The following FGF12 variants were observed in gnomAD, a reference collection of about 807,000 sequenced individuals.
FGF12 encodes the protein fibroblast growth factor 12B.
FGF12 carries 14 observed loss-of-function variants against 23.6 expected under a neutral mutation model. That is an observed-to-expected ratio of 0.59 (90% CI 0.39 to 0.93). The LOEUF (loss-of-function observed/expected upper bound fraction) is 0.93, where lower values mean the gene tolerates loss of function less well. Ranked by LOEUF, FGF12 falls within the 40% of genes least tolerant of loss-of-function variation. The pLI is 0.00. For synonymous variants in FGF12, 62 were observed against 77.3 expected, an observed-to-expected ratio of 0.80 and a Z score of 1.04; for missense variants, 175 against 217.8, an observed-to-expected ratio of 0.80 and a Z score of 1.24.
intron 3 of FGF12, among the ~76,000 whole-genome samples, chr3:192,354,372 T>C (rs1577381783): frequency 6.6e-6 from 1 of 151,978 alleles, no homozygotes; most frequent in African/African-American, 2.4e-5. Context: ...TTAAATAATT[T>C]TGGATAAATA....
At chr3:192,395,754 A>T (rs1720488824) in intron 2 of FGF12, among the ~76,000 whole-genome samples, 2 of 152,204 alleles carry the variant, frequency 1.3e-5, no homozygotes, top group Admixed American at 6.5e-5. Flanking sequence ...ACCTGGAAGG[A>T]TCTGAGAAGA....
intron 2 of FGF12, among the ~76,000 whole-genome samples, chr3:192,617,626 T>C (rs997241884): frequency 2.6e-5 from 4 of 152,124 alleles, no homozygotes; most frequent in African/African-American, 4.8e-5. Flanking sequence ...ACAACCAACC[T>C]GAGGCTCTTA....
At chr3:192,291,557 A>G (rs1360070094) in intron 4 of FGF12, among the ~76,000 whole-genome samples, 4 of 152,056 alleles carry the variant, frequency 2.6e-5, no homozygotes, top group Non-Finnish European at 5.9e-5. Context: ...CATTCCTGCC[A>G]GGGCAAAAGA....
Position 192,281,238 on chromosome 3 carries a change from T to G in FGF12, c.228+54123A>C, listed in dbSNP as rs78541389. Among the ~76,000 whole-genome samples, 613 of 152,234 alleles carry G rather than the reference T, an allele frequency of 4.0e-3. 5 individuals carry two copies. The highest frequency in any genetic ancestry group is 0.024 in the South Asian group (116 of 4,822). ...TCTAGGGAAGAATCCTAGTTTGCCTTTTCCTAGCTTTGGGGGGTTAATGAA... is the reference window on the plus strand; with the variant it reads ...TCTAGGGAAGAATCCTAGTTTGCCTGTTCCTAGCTTTGGGGGGTTAATGAA... On this transcript the variant is annotated intron_variant, in intron 4 of 5. Coordinates refer to ENST00000445105, the MANE Select transcript of FGF12 (RefSeq NM_004113.6).
At chr3:192,277,714 G>A (rs528656039) in intron 4 of FGF12, among the ~76,000 whole-genome samples, 2 of 152,280 alleles carry the variant, frequency 1.3e-5, no homozygotes, top group Non-Finnish European at 2.9e-5. Flanking sequence ...ATCTGTATGA[G>A]GATCTGGCTG....
At chr3:192,610,047 T>G (rs2108638701) in intron 2 of FGF12, among the ~76,000 whole-genome samples, 1 of 152,186 alleles carries the variant, frequency 6.6e-6, no homozygotes, top group South Asian at 2.1e-4. Context: ...CCATGATCAT[T>G]AGTATTTGCT....
intron 4 of FGF12, among the ~76,000 whole-genome samples, chr3:192,172,241 T>C (rs1190811122): frequency 3.6e-5 from 5 of 139,708 alleles, no homozygotes; most frequent in Non-Finnish European, 8.1e-5. Flanking sequence ...ATGCAAAAAT[T>C]AGCTGGGTGT....
At chr3:192,427,275 G>A (rs946561534) in intron 2 of FGF12, among the ~76,000 whole-genome samples, 6 of 151,954 alleles carry the variant, frequency 3.9e-5, no homozygotes, top group African/African-American at 1.2e-4. Flanking sequence ...CAGCTACTCA[G>A]GAGGCTGAGG....
rs747905391 is a variant in FGF12, at chr3:192,335,370, G to C, written c.219C>G (p.Leu73=). Residue 73 remains leucine, a synonymous_variant, in exon 4 of 6, where the codon CTC becomes CTG. Coordinates refer to ENST00000445105, the MANE Select transcript of FGF12 (RefSeq NM_004113.6). The stretch of plus-strand genomic sequence containing the variant: ...ACTACAATGTACTTACTGAACTGTA[G>C]AGATAGCCTTCACCATTCATGGCCA... ...LYVAMNGEGY[L]YSSDVFTPEC... 6 of 1,608,620 alleles carry C rather than the reference G, an allele frequency of 3.7e-6. No homozygotes were observed. In the East Asian group the frequency reaches 1.3e-4, roughly 36 times the overall value.
chr3:192,455,876 C>T (rs1004651272), intron 2 of FGF12, among the ~76,000 whole-genome samples: 1 of 152,200 alleles, frequency 6.6e-6, no homozygotes, highest in Admixed American at 6.5e-5. Flanking sequence ...CACAATTCCA[C>T]ATACATGCAT....
intron 2 of FGF12, among the ~76,000 whole-genome samples, chr3:192,657,150 C>T (rs1716459644): frequency 6.6e-6 from 1 of 151,490 alleles, no homozygotes; most frequent in Non-Finnish European, 1.5e-5. Context: ...CTTTCTTGCA[C>T]AGAATGCTTC....
chr3:192,716,048 T>C (rs1718855419), intron 2 of FGF12, among the ~76,000 whole-genome samples: 1 of 152,258 alleles, frequency 6.6e-6, no homozygotes, highest in South Asian at 2.1e-4. Context: ...ATTTCTAGAT[T>C]GAATTCCCAA....
intron 4 of FGF12, among the ~76,000 whole-genome samples, chr3:192,255,908 T>C (rs1712356977): frequency 6.6e-6 from 1 of 152,124 alleles, no homozygotes; most frequent in Admixed American, 6.6e-5. Context: ...GGCAGGCCTC[T>C]GGTTGGCATT....
At chr3:192,674,589 TA>T (rs920106917) in intron 2 of FGF12, among the ~76,000 whole-genome samples, 1 of 152,052 alleles carries the variant, frequency 6.6e-6, no homozygotes, top group Admixed American at 6.6e-5. Context: ...CTTTCCACTG[TA>T]AAAAAAAGTT....
At chr3:192,553,864 G>T (rs1215975082) in intron 2 of FGF12, among the ~76,000 whole-genome samples, 1 of 152,142 alleles carries the variant, frequency 6.6e-6, no homozygotes, top group Non-Finnish European at 1.5e-5. Context: ...AAACAAAAGG[G>T]CCAGGTTGGG....
chr3:192,512,476 A>C (rs956086434), intron 2 of FGF12, among the ~76,000 whole-genome samples: 8 of 152,102 alleles, frequency 5.3e-5, no homozygotes, highest in African/African-American at 1.9e-4. Flanking sequence ...GAGCTCAACT[A>C]AATCTTTAGC....
chr3:192,408,281 C>A lies in FGF12; in HGVS notation c.14-47743G>T. The stretch of plus-strand genomic sequence containing the variant: ...CTACTGCGCCCTCCGGCTTGCGCTC[C>A]GCCGGGGCGAGGGCAGGACCTGGGC... On this transcript the variant is annotated intron_variant, in intron 2 of 5. Transcript: ENST00000445105. The surrounding 1 kb of genome is among the most constrained non-coding windows in gnomAD (Gnocchi z 7.3). The A allele has an allele frequency of 1.0e-5, 15 of 1,497,292 alleles. No homozygotes were observed. The highest frequency in any genetic ancestry group is 2.2e-5 in the Admixed American group (1 of 45,456). 92.8% of individuals were successfully genotyped at this position (1,497,292 alleles called of 1,614,324 possible).
intron 3 of FGF12, among the ~76,000 whole-genome samples, chr3:192,339,014 A>C (rs1717556048): frequency 2.6e-5 from 4 of 152,160 alleles, no homozygotes; most frequent in Admixed American, 2.6e-4. Context: ...AATGAGAGAA[A>C]ACTGATAATG....
rs1169010638 is a variant in FGF12, at chr3:192,360,734, T to C, written c.14-196A>G. ...TTTAGAGGTAGAGCTTTAACACTTT[T>C]AGCAGTAAACTAAATGCAAATAAAT... On this transcript the variant is annotated intron_variant, in intron 2 of 5. Transcript: ENST00000445105. This position sits in a 1 kb window ranked among gnomAD's most constrained non-coding sequence, Gnocchi z 4.3. 5.2e-6 allele frequency: 3 copies of C among 577,218 alleles called. No homozygotes were observed. In the African/African-American group the frequency reaches 5.6e-5, roughly 11 times the overall value. The allele number at this position is 577,218 out of a possible 1,614,324, so 35.8% of individuals were successfully genotyped here. A position where few individuals can be genotyped will look rare whatever the true frequency, so the allele number is the denominator to read the frequency against.
Sources: gnomAD v4.1 joint callset for allele counts (sites outside exome capture counted in the v4.1 genomes callset) on GRCh38, gnomAD v4.1.1 for gene constraint, Gnocchi (gnomAD v3.1) non-coding constraint, MANE v1.5 for transcripts, NCBI Gene and HGNC (gene_info 2026-07-23, HGNC 2026-07-21) for gene names.